The following USP10 variants were observed in gnomAD, a reference collection of about 807,000 sequenced individuals.
The protein encoded by USP10 is ubiquitin specific peptidase 10.
USP10 carries 22 observed loss-of-function variants against 84.5 expected under a neutral mutation model. The ratio of observed to expected loss-of-function variants is 0.26; its 90% CI spans 0.19 to 0.37. The LOEUF (loss-of-function observed/expected upper bound fraction) is 0.37, where lower values mean the gene tolerates loss of function less well. USP10 is among the 10% of genes least tolerant of loss of function. The pLI, the probability that USP10 is intolerant of heterozygous loss-of-function variation, is 1.00. For synonymous variants in USP10, 454 were observed against 387.6 expected (o/e 1.17, Z -2.01); for missense variants, 1,019 against 998.9 (o/e 1.02, Z -0.27).
chr16:84,763,648 G>C (rs1024552349), intron 9 of USP10, among the ~76,000 whole-genome samples: 4 of 152,232 alleles, frequency 2.6e-5, no homozygotes, highest in African/African-American at 9.6e-5. Flanking sequence ...TCATTTCTAG[G>C]AGTTTATGTA....
intron 3 of USP10, among the ~76,000 whole-genome samples, chr16:84,742,014 A>T (rs1910684085): frequency 6.6e-6 from 1 of 152,186 alleles, no homozygotes; most frequent in African/African-American, 2.4e-5. Flanking sequence ...CCCTTTGCAG[A>T]GGCACCTCAT....
At chr16:84,705,163 C>CAGTCCATT (rs1223259842) in intron 1 of USP10, among the ~76,000 whole-genome samples, 1 of 152,150 alleles carries the variant, frequency 6.6e-6, no homozygotes, top group Non-Finnish European at 1.5e-5. Flanking sequence ...GTCTCAAAAC[C>CAGTCCATT]AGTCCATTTT....
intron 8 of USP10, among the ~76,000 whole-genome samples, chr16:84,762,164 G>A (rs1219262658): frequency 2.6e-5 from 4 of 152,226 alleles, no homozygotes; most frequent in South Asian, 2.1e-4. Context: ...TGATGTATGT[G>A]TAACACAGCT....
intron 2 of USP10, among the ~76,000 whole-genome samples, chr16:84,738,225 T>C: frequency 6.6e-6 from 1 of 152,170 alleles, no homozygotes; most frequent in Non-Finnish European, 1.5e-5. Context: ...TACTGGGAAG[T>C]GTGAAGAGAA....
At chr16:84,743,554 GA>G (rs900643137) in intron 3 of USP10, among the ~76,000 whole-genome samples, 1 of 151,196 alleles carries the variant, frequency 6.6e-6, no homozygotes, top group East Asian at 1.9e-4. Context: ...TAGATGCCTT[GA>G]AAAAAAAATT....
At chr16:84,772,890 C>A (rs1254747688) in intron 12 of USP10, among the ~76,000 whole-genome samples, 2 of 152,066 alleles carry the variant, frequency 1.3e-5, no homozygotes, top group Non-Finnish European at 2.9e-5. Flanking sequence ...GCAAAAATAA[C>A]TAAACTCTAT....
At chr16:84,731,608 G>A (rs1468301132) in intron 1 of USP10, among the ~76,000 whole-genome samples, 1 of 152,030 alleles carries the variant, frequency 6.6e-6, no homozygotes, top group African/African-American at 2.4e-5. Context: ...AAAATACTCT[G>A]GCATTCTAGG....
rs188096628 is a variant in USP10 at position 84,731,056 on chromosome 16, T to C, written c.22-2379T>C. On this transcript the variant is annotated intron_variant, in intron 1 of 13. Transcript: ENST00000219473. ...GTGCAGTGGCTCATTCTCGGCTTGC[T>C]GCAACCTCCACCTCCCGGGTTCAAG... 4.6e-3 allele frequency among the ~76,000 whole-genome samples: 681 copies of C among 149,182 alleles called. 1 individual carries two copies. The highest frequency in any genetic ancestry group is 6.0e-3 in the Non-Finnish European group (404 of 67,526).
At chr16:84,744,046 T>TTTGTTG (rs141603150) in intron 3 of USP10, among the ~76,000 whole-genome samples, 56 of 151,622 alleles carry the variant, frequency 3.7e-4, no homozygotes, top group East Asian at 3.3e-3. Context: ...TATAGGATTC[T>TTTGTTG]TTGTTGTTGT....
At chr16:84,758,370 T>G (rs540059578) in intron 4 of USP10, among the ~76,000 whole-genome samples, 3 of 152,196 alleles carry the variant, frequency 2.0e-5, no homozygotes, top group Non-Finnish European at 4.4e-5. Flanking sequence ...TAATGGTGTT[T>G]AAGGAAGAAA....
Position 84,779,069 on chromosome 16 carries a change from T to G in USP10, c.2384T>G (p.Val795Gly). ...GCCTACCTCCTGTATTACCGCCGAG[T>G]GGACCTGCTGTAAACCCTGTGTGCG... is the stretch of plus-strand genomic sequence containing the variant. ...RTAYLLYYRR[V>G]DLL The change falls in exon 14 of 14, where the codon GTG becomes GGG. Residue 795 changes from valine (V) to glycine (G), a missense_variant. By Grantham distance (109) the Val-to-Gly change is moderately radical. Coordinates refer to ENST00000219473, the MANE Select transcript of USP10 (RefSeq NM_005153.3). 2 of 1,613,626 alleles carry G rather than the reference T, an allele frequency of 1.2e-6. No homozygotes were observed. Among genetic ancestry groups the G allele is most frequent in the Non-Finnish European group, 1.7e-6 (2 of 1,179,632 alleles).
intron 4 of USP10, among the ~76,000 whole-genome samples, chr16:84,748,302 ATTTTC>A (rs766865727): frequency 4.6e-4 from 69 of 151,436 alleles, no homozygotes; most frequent in Admixed American, 7.9e-4. Flanking sequence ...TGAGAATTTT[ATTTTC>A]TTTTCTTTAT....
chr16:84,762,865 T>C, intron 8 of USP10, 124 bp from the exon 9 acceptor site: 1 of 563,714 alleles, frequency 1.8e-6, no homozygotes, highest in Non-Finnish European at 3.2e-6. Flanking sequence ...CATGTCATTG[T>C]TTGGAAATAC....
At chr16:84,725,967 C>T (rs1908417306) in intron 1 of USP10, among the ~76,000 whole-genome samples, 1 of 152,174 alleles carries the variant, frequency 6.6e-6, no homozygotes, top group Admixed American at 6.5e-5. Flanking sequence ...ATACCATTTG[C>T]CACTGTGAGG....
chr16:84,715,297 A>G (rs1174265123), intron 1 of USP10, among the ~76,000 whole-genome samples: 1 of 152,202 alleles, frequency 6.6e-6, no homozygotes, highest in Non-Finnish European at 1.5e-5. Flanking sequence ...ATTGCTGTAG[A>G]TATCCAGGAA....
intron 2 of USP10, among the ~76,000 whole-genome samples, chr16:84,738,425 A>G (rs1485756500): frequency 6.6e-6 from 1 of 152,176 alleles, no homozygotes; most frequent in African/African-American, 2.4e-5. Flanking sequence ...ATCAGTTTCT[A>G]AACTGTCTTC....
chr16:84,774,344 C>T (rs1567654588), intron 12 of USP10, among the ~76,000 whole-genome samples: 1 of 152,200 alleles, frequency 6.6e-6, no homozygotes, highest in Non-Finnish European at 1.5e-5. Context: ...CTCCGACGGA[C>T]TCTTGTGTCG....
intron 1 of USP10, among the ~76,000 whole-genome samples, chr16:84,712,482 G>A (rs1906439958): frequency 6.6e-6 from 1 of 152,186 alleles, no homozygotes; most frequent in African/African-American, 2.4e-5. Flanking sequence ...TCGGTTAATT[G>A]GCAGGGACCA....
At chr16:84,765,133 AG>A in intron 10 of USP10, among the ~76,000 whole-genome samples, 1 of 151,872 alleles carries the variant, frequency 6.6e-6, no homozygotes, top group Non-Finnish European at 1.5e-5. Context: ...GTGTATCTGG[AG>A]GAATTTTATT....
Sources: allele counts gnomAD v4.1 joint callset (sites outside exome capture counted in the v4.1 genomes callset), GRCh38; gene constraint gnomAD v4.1.1; transcripts MANE v1.5; gene names NCBI Gene and HGNC (gene_info 2026-07-23, HGNC 2026-07-21).